The following LINGO2 variants were observed in gnomAD, a reference collection of about 807,000 sequenced individuals.
The protein encoded by LINGO2 is leucine rich repeat and Ig domain containing 2.
In LINGO2, 14 loss-of-function variants were observed where a neutral mutation model predicts 30.6. The ratio of observed to expected loss-of-function variants is 0.46; its 90% CI spans 0.30 to 0.72. LINGO2 has a LOEUF of 0.72. Among genes scored for constraint, LINGO2 ranks in the 30% least tolerant of loss-of-function variants. LINGO2 has a pLI of 0.07. For synonymous variants in LINGO2, 317 were observed against 288.5 expected, an observed-to-expected ratio of 1.10 and a Z score of -1.00; for missense variants, 729 against 751.7, an observed-to-expected ratio of 0.97 and a Z score of 0.35.
rs550727463 is a variant in LINGO2 at position 28,624,631 on chromosome 9, C to CTT, written c.-365+45567_-365+45568dup. Among the ~76,000 whole-genome samples the CTT allele has an allele frequency of 2.8e-4, 41 of 149,000 alleles. No homozygotes were observed. The East Asian group carries it at 7.6e-3, about 28-fold the overall frequency. Reference sequence around the variant, plus strand: ...ATCAGAGATATTAGCCTGTAGTTTTCTTTTTTTTTAATGTGTCTTTTCCTG... The same window carrying CTT: ...ATCAGAGATATTAGCCTGTAGTTTTCTTTTTTTTTTTAATGTGTCTTTTCCTG... On this transcript the variant is annotated intron_variant, in intron 1 of 5. Coordinates refer to ENST00000379992, the Ensembl canonical transcript of LINGO2.
chr9:29,048,492 C>T, the LINGO2 span, among the ~76,000 whole-genome samples: 1 of 151,838 alleles, frequency 6.6e-6, no homozygotes, highest in Non-Finnish European at 1.5e-5. Flanking sequence ...ATATGGACCA[C>T]AGAAGACGCA....
intron 4 of LINGO2, among the ~76,000 whole-genome samples, chr9:28,214,172 T>C (rs966496770): frequency 6.6e-6 from 1 of 151,622 alleles, no homozygotes; most frequent in African/African-American, 2.4e-5. Flanking sequence ...GCATCTTTCA[T>C]AGTAAATCTA....
intron 2 of LINGO2, among the ~76,000 whole-genome samples, chr9:28,473,399 T>C (rs899310669): frequency 6.6e-6 from 1 of 151,678 alleles, no homozygotes; most frequent in Admixed American, 6.6e-5. Flanking sequence ...CTAGAGCCTC[T>C]CTCTCTCTCT....
chr9:28,405,327 G>T (rs1054448165), intron 2 of LINGO2, among the ~76,000 whole-genome samples: 1 of 151,962 alleles, frequency 6.6e-6, no homozygotes, highest in Non-Finnish European at 1.5e-5. Context: ...ATAGAATTGG[G>T]TCCTTCAAAG....
chr9:28,512,580 GATATATATGTGTGTATATATATATATAT>G lies in LINGO2; in HGVS notation c.-364-36583_-364-36556del, dbSNP rs1234564604. Among the ~76,000 whole-genome samples the G allele has an allele frequency of 7.9e-4, 69 of 87,142 alleles. 4 individuals carry two copies. The highest frequency in any genetic ancestry group is 2.7e-3 in the African/African-American group (51 of 19,092). 57.2% of individuals were successfully genotyped at this position (87,142 alleles called of 152,430 possible). ...TTCTCTAGAGGGACAGAACTAACAGGATATATATGTGTGTATATATATATATATATATATATATATATATATATATATA... is the reference window on the plus strand; with the variant it reads ...TTCTCTAGAGGGACAGAACTAACAGGATATATATATATATATATATATATA... On this transcript the variant is annotated intron_variant, in intron 1 of 5. Coordinates refer to ENST00000379992, the Ensembl canonical transcript of LINGO2.
At position 28,287,494 on chromosome 9, in the gene LINGO2, A is replaced by G. The variant is rs558045226; in HGVS notation, c.-87+7714T>C. On this transcript the variant is annotated intron_variant, in intron 4 of 5. Coordinates refer to ENST00000379992, the Ensembl canonical transcript of LINGO2. ...ACACATGCACTGTAATGGAAAGGAC[A>G]TGATACATTCAGCAGAATTACTTAA... Among the ~76,000 whole-genome samples the G allele has an allele frequency of 8.3e-4, 126 of 152,336 alleles. 1 individual carries two copies. Among genetic ancestry groups the G allele is most frequent in the African/African-American group, 3.0e-3 (124 of 41,584 alleles).
intron 3 of LINGO2, among the ~76,000 whole-genome samples, chr9:28,367,714 T>C (rs893737250): frequency 3.3e-5 from 5 of 152,136 alleles, no homozygotes; most frequent in African/African-American, 1.2e-4. Context: ...TGAGCTTCTA[T>C]GGTAGCATCA....
chr9:28,703,716 T>C, the LINGO2 span, among the ~76,000 whole-genome samples: 1 of 151,932 alleles, frequency 6.6e-6, no homozygotes, highest in Admixed American at 6.6e-5. Context: ...ATGATGCCAT[T>C]TTCTCTCTCT....
chr9:28,189,650 AGG>A (rs1819729113), intron 4 of LINGO2, among the ~76,000 whole-genome samples: 1 of 27,604 alleles, frequency 3.6e-5, no homozygotes, highest in Non-Finnish European at 7.7e-5. Context: ...GAAGGGAGGG[AGG>A]AAGGAAGGAA....
chr9:28,607,169 A>G (rs1310923740), intron 1 of LINGO2, among the ~76,000 whole-genome samples: 3 of 152,048 alleles, frequency 2.0e-5, no homozygotes, highest in Admixed American at 2.0e-4. Context: ...AAAGAAAAAC[A>G]CTAAACCTTG....
At chr9:28,531,974 T>A (rs921196320) in intron 1 of LINGO2, among the ~76,000 whole-genome samples, 5 of 152,182 alleles carry the variant, frequency 3.3e-5, no homozygotes, top group Non-Finnish European at 7.4e-5. Context: ...TCTAAAAGCA[T>A]AAAATGGATT....
chr9:27,962,862 T>C (rs1819915303), intron 5 of LINGO2, among the ~76,000 whole-genome samples: 1 of 152,170 alleles, frequency 6.6e-6, no homozygotes, highest in African/African-American at 2.4e-5. Context: ...TTCCATTAAT[T>C]CTGATCAAAG....
At chr9:28,355,255 G>GTC (rs1485361829) in intron 3 of LINGO2, among the ~76,000 whole-genome samples, 4 of 8,746 alleles carry the variant, frequency 4.6e-4, no homozygotes, top group Non-Finnish European at 8.6e-4. Flanking sequence ...CTCTCTCTCT[G>GTC]TCTCTGTCTC....
intron 1 of LINGO2, among the ~76,000 whole-genome samples, chr9:28,511,330 T>C (rs781397709): frequency 6.6e-6 from 1 of 152,160 alleles, no homozygotes; most frequent in Non-Finnish European, 1.5e-5. Flanking sequence ...AGCTGACTGA[T>C]CACCCTGAGG....
At chr9:28,945,574 T>C in the LINGO2 span, among the ~76,000 whole-genome samples, 5 of 152,288 alleles carry the variant, frequency 3.3e-5, no homozygotes, top group South Asian at 2.1e-4. Flanking sequence ...GGTGAAAAAA[T>C]GGCAGTTAGT....
At chr9:28,698,061 T>A in the LINGO2 span, among the ~76,000 whole-genome samples, 1 of 151,972 alleles carries the variant, frequency 6.6e-6, no homozygotes, top group Non-Finnish European at 1.5e-5. Context: ...CAAATTAGAC[T>A]CAGAAAGGCA....
rs371141009 is a variant in LINGO2, at chr9:28,178,451, GT to G, written c.-87+116756del. Among the ~76,000 whole-genome samples, 287 of 151,762 alleles carry G rather than the reference GT, an allele frequency of 1.9e-3. 2 individuals are homozygous for G. Among genetic ancestry groups the G allele is most frequent in the African/African-American group, 6.4e-3 (265 of 41,378 alleles). ...AGAAACTTTCTAAGTGTTAAATATG[GT>G]TAAAAAAAAAGTCAGTTAATTTAGA... On this transcript the variant is annotated intron_variant, in intron 4 of 5. Transcript: ENST00000379992.
the LINGO2 span, among the ~76,000 whole-genome samples, chr9:28,807,677 T>C: frequency 2.8e-4 from 43 of 152,256 alleles, no homozygotes; most frequent in East Asian, 7.5e-3. Context: ...ATGTAAGCTT[T>C]TAGATAATTG....
the LINGO2 span, chr9:27,941,965 C>G: frequency 2.0e-5 from 3 of 152,106 alleles, no homozygotes; most frequent in Non-Finnish European, 2.9e-5. Flanking sequence ...TTGCTGAACC[C>G]TTCAGTTCTT....
Sources: allele counts gnomAD v4.1 joint callset (sites outside exome capture counted in the v4.1 genomes callset), GRCh38; gene constraint gnomAD v4.1.1; transcripts MANE v1.5; gene names NCBI Gene and HGNC (gene_info 2026-07-23, HGNC 2026-07-21).